ATG10: variants seen among roughly 807,000 people sequenced by gnomAD.
ATG10 encodes the protein ubiquitin-like-conjugating enzyme ATG10.
ATG10 carries 30 observed loss-of-function variants against 32.1 expected under a neutral mutation model. The ratio of observed to expected loss-of-function variants is 0.94; its 90% CI spans 0.70 to 1.27. The LOEUF is 1.27. ATG10 is among the 50% of genes most tolerant of loss of function. The pLI, the probability that ATG10 is intolerant of heterozygous loss-of-function variation, is 0.00. For missense variants in ATG10, 233 were observed against 262.3 expected (o/e 0.89, Z 0.77); for synonymous variants, 87 against 91.5 (o/e 0.95, Z 0.28).
intron 2 of ATG10, among the ~76,000 whole-genome samples, chr5:82,002,889 G>A (rs1339315169): frequency 6.6e-6 from 1 of 152,116 alleles, no homozygotes; most frequent in Admixed American, 6.5e-5. Context: ...CCTGTGACAT[G>A]CAGTTTACCT....
intron 2 of ATG10, among the ~76,000 whole-genome samples, chr5:82,053,882 T>A (rs1426225208): frequency 6.6e-6 from 1 of 152,126 alleles, no homozygotes; most frequent in Non-Finnish European, 1.5e-5. Context: ...AATTAGTTTT[T>A]CGGGCAGTAG....
intron 5 of ATG10, among the ~76,000 whole-genome samples, chr5:82,215,494 G>A (rs1745641892): frequency 6.6e-6 from 1 of 152,076 alleles, no homozygotes; most frequent in Non-Finnish European, 1.5e-5. Flanking sequence ...TTTCAATGGT[G>A]ATATTCTCAG....
intron 2 of ATG10, among the ~76,000 whole-genome samples, chr5:82,054,741 T>C (rs1161046102): frequency 6.6e-6 from 1 of 152,184 alleles, no homozygotes; most frequent in East Asian, 1.9e-4. Flanking sequence ...TTTCAGACTC[T>C]TTCTGGATCA....
intron 2 of ATG10, among the ~76,000 whole-genome samples, chr5:82,020,378 A>T (rs910808131): frequency 6.6e-6 from 1 of 152,224 alleles, no homozygotes; most frequent in South Asian, 2.1e-4. Flanking sequence ...CTGGAGAAGG[A>T]TAGAGTTCTA....
intron 5 of ATG10, among the ~76,000 whole-genome samples, chr5:82,235,791 A>G (rs569947542): frequency 6.6e-6 from 1 of 152,320 alleles, no homozygotes; most frequent in Admixed American, 6.5e-5. Flanking sequence ...TTAAATAGAG[A>G]CTTGGAATCC....
chr5:82,153,686 C>A (rs1339415538), intron 3 of ATG10, among the ~76,000 whole-genome samples: 1 of 152,092 alleles, frequency 6.6e-6, no homozygotes, highest in Non-Finnish European at 1.5e-5. Context: ...TAAAATCTCA[C>A]AAACAAAATT....
chr5:82,087,436 A>G (rs1394845182), intron 3 of ATG10, among the ~76,000 whole-genome samples: 1 of 152,212 alleles, frequency 6.6e-6, no homozygotes, highest in Non-Finnish European at 1.5e-5. Context: ...ACAGATCCAC[A>G]TAAGCTATGG....
At chr5:82,053,148 C>G (rs1358927494) in intron 2 of ATG10, among the ~76,000 whole-genome samples, 1 of 152,208 alleles carries the variant, frequency 6.6e-6, no homozygotes, top group South Asian at 2.1e-4. Flanking sequence ...TTTGTCTATA[C>G]ATTCCCTTTC....
At chr5:81,987,081 C>A (rs543255586) in intron 1 of ATG10, among the ~76,000 whole-genome samples, 8 of 151,826 alleles carry the variant, frequency 5.3e-5, no homozygotes, top group Admixed American at 2.0e-4. Context: ...ATAAAAACAA[C>A]AAAAAAATGG....
chr5:82,253,635 C>T (rs925884350), intron 7 of ATG10, among the ~76,000 whole-genome samples: 1 of 152,192 alleles, frequency 6.6e-6, no homozygotes, highest in Non-Finnish European at 1.5e-5. Flanking sequence ...AACCAGGCCT[C>T]ACAGCAGGAG....
rs921647109 is a variant in ATG10, at chr5:82,254,447, T to G, written c.*384T>G. Reference sequence around the variant, plus strand: ...GGTGGTGTGTTCCTGTAGTCCCAGCTCCCCAGGAGGCTGAGGTGGGAGGTT... The same window carrying G: ...GGTGGTGTGTTCCTGTAGTCCCAGCGCCCCAGGAGGCTGAGGTGGGAGGTT... On this transcript the variant is annotated 3_prime_UTR_variant, in exon 8 of 8. Transcript: ENST00000282185. 1 of 150,442 alleles carries G rather than the reference T, an allele frequency of 6.6e-6. No homozygotes were observed. Among genetic ancestry groups the G allele is most frequent in the Non-Finnish European group, 1.5e-5 (1 of 67,864 alleles). The allele number at this position is 150,442 out of a possible 1,614,324, so 9.3% of individuals were successfully genotyped here. A position where few individuals can be genotyped will look rare whatever the true frequency, so the allele number is the denominator to read the frequency against.
chr5:82,141,087 G>T (rs1380198897), intron 3 of ATG10, among the ~76,000 whole-genome samples: 3 of 120,684 alleles, frequency 2.5e-5, no homozygotes, highest in Admixed American at 8.8e-5. Context: ...CAAACACTGC[G>T]GAAGGCCGCA....
At chr5:82,102,480 A>G (rs1048810431) in intron 3 of ATG10, among the ~76,000 whole-genome samples, 2 of 152,284 alleles carry the variant, frequency 1.3e-5, no homozygotes, top group East Asian at 3.9e-4. Context: ...CACAATAGTT[A>G]TTGAATGTCT....
chr5:82,215,290 G>A (rs537968159), intron 5 of ATG10, among the ~76,000 whole-genome samples: 9 of 152,338 alleles, frequency 5.9e-5, no homozygotes, highest in Admixed American at 3.9e-4. Context: ...GAGGGCAAGA[G>A]AGAATGCCAG....
At chr5:81,990,873 C>T (rs564138557) in intron 2 of ATG10, among the ~76,000 whole-genome samples, 1 of 152,320 alleles carries the variant, frequency 6.6e-6, no homozygotes, top group Non-Finnish European at 1.5e-5. Flanking sequence ...AAAGGTTAAG[C>T]ATTCAGATTT....
chr5:82,017,829 T>A (rs1333017344), intron 2 of ATG10, among the ~76,000 whole-genome samples: 2 of 152,174 alleles, frequency 1.3e-5, no homozygotes, highest in Non-Finnish European at 2.9e-5. Flanking sequence ...TATACTTTCT[T>A]CAATTGGTGT....
chr5:82,122,490 A>G (rs1181501162), intron 3 of ATG10, among the ~76,000 whole-genome samples: 1 of 152,256 alleles, frequency 6.6e-6, no homozygotes, highest in Non-Finnish European at 1.5e-5. Flanking sequence ...AGCAATTGCA[A>G]CAAAAGCAAG....
chr5:82,118,180 AG>A (rs1285558782), intron 3 of ATG10, among the ~76,000 whole-genome samples: 4 of 151,496 alleles, frequency 2.6e-5, no homozygotes, highest in African/African-American at 9.7e-5. Context: ...GTGATTGGAC[AG>A]GTTATATTGC....
chr5:82,181,619 C>T (rs1350465112), intron 5 of ATG10, among the ~76,000 whole-genome samples: 1 of 151,924 alleles, frequency 6.6e-6, no homozygotes, highest in Non-Finnish European at 1.5e-5. Flanking sequence ...TAGTAGACAC[C>T]GTTTTGCAGA....
Sources: gnomAD v4.1 joint callset for allele counts (sites outside exome capture counted in the v4.1 genomes callset) on GRCh38, gnomAD v4.1.1 for gene constraint, MANE v1.5 for transcripts, NCBI Gene and HGNC (gene_info 2026-07-23, HGNC 2026-07-21) for gene names.